EEFSEC: variants seen among roughly 807,000 people sequenced by gnomAD.
EEFSEC encodes eukaryotic elongation factor, selenocysteine-tRNA specific.
In EEFSEC, 43 loss-of-function variants were observed where a neutral mutation model predicts 42.1. The observed-to-expected ratio is 1.02, with a 90% CI of 0.80 to 1.32. EEFSEC has a LOEUF of 1.32. EEFSEC is among the 40% of genes most tolerant of loss of function. The pLI is 0.00. For missense variants in EEFSEC, 745 were observed against 803.6 expected, an observed-to-expected ratio of 0.93 and a Z score of 0.88; for synonymous variants, 354 against 339.1, an observed-to-expected ratio of 1.04 and a Z score of -0.48.
chr3:128,172,156 C>T (rs1202002733), intron 1 of EEFSEC, among the ~76,000 whole-genome samples: 1 of 152,192 alleles, frequency 6.6e-6, no homozygotes, highest in African/African-American at 2.4e-5. Flanking sequence ...GAATTGGGAT[C>T]TCATATCTTT....
chr3:128,172,555 G>T (rs1258243585), intron 1 of EEFSEC, among the ~76,000 whole-genome samples: 1 of 152,140 alleles, frequency 6.6e-6, no homozygotes, highest in Non-Finnish European at 1.5e-5. Flanking sequence ...TGCTTTGACT[G>T]CCCAAAGTGC....
chr3:128,414,087 C>T, the EEFSEC span, among the ~76,000 whole-genome samples: 37 of 152,384 alleles, frequency 2.4e-4, no homozygotes, highest in African/African-American at 7.9e-4. Context: ...TGGTCCTTGA[C>T]GGACAACCCT....
chr3:128,328,964 A>C (rs1444911294), intron 4 of EEFSEC, among the ~76,000 whole-genome samples: 1 of 152,150 alleles, frequency 6.6e-6, no homozygotes, highest in Non-Finnish European at 1.5e-5. Context: ...CCTGTGTCTC[A>C]GGAGGCTCGC....
intron 1 of EEFSEC, among the ~76,000 whole-genome samples, chr3:128,182,014 A>T (rs1054585850): frequency 6.6e-6 from 1 of 152,110 alleles, no homozygotes; most frequent in Non-Finnish European, 1.5e-5. Flanking sequence ...GGGTTTCACC[A>T]TGTTGGCCAG....
intron 2 of EEFSEC, among the ~76,000 whole-genome samples, chr3:128,261,837 C>T (rs1356638058): frequency 6.6e-6 from 1 of 152,202 alleles, no homozygotes; most frequent in African/African-American, 2.4e-5. Context: ...GGGCCAGGAT[C>T]ACTGCTGCCT....
At chr3:128,352,536 C>T (rs533611600) in intron 5 of EEFSEC, among the ~76,000 whole-genome samples, 1 of 152,246 alleles carries the variant, frequency 6.6e-6, no homozygotes, top group Non-Finnish European at 1.5e-5. Context: ...CCCAGCGCAA[C>T]CCTCTGTCTG....
chr3:128,382,319 G>A (rs1304399362), intron 6 of EEFSEC, among the ~76,000 whole-genome samples: 1 of 152,254 alleles, frequency 6.6e-6, no homozygotes, highest in Non-Finnish European at 1.5e-5. Context: ...CAGCAGAGCA[G>A]GGAGCGTGCA....
chr3:128,285,881 C>CTTT (rs1278577482), intron 4 of EEFSEC, among the ~76,000 whole-genome samples: 1 of 152,212 alleles, frequency 6.6e-6, no homozygotes, highest in East Asian at 1.9e-4. Flanking sequence ...AACCATCATT[C>CTTT]TTTAAAACAT....
intron 1 of EEFSEC, among the ~76,000 whole-genome samples, chr3:128,231,480 A>C (rs2065958474): frequency 6.6e-6 from 1 of 152,182 alleles, no homozygotes; most frequent in Non-Finnish European, 1.5e-5. Flanking sequence ...TAGGCACATC[A>C]CATACCTTTC....
chr3:128,185,201 T>C (rs2065452345), intron 1 of EEFSEC, among the ~76,000 whole-genome samples: 1 of 152,310 alleles, frequency 6.6e-6, no homozygotes, highest in Middle Eastern at 3.4e-3. Context: ...TGTTTGATTA[T>C]AGGGAATGGC....
chr3:128,162,078 G>T (rs182892371), intron 1 of EEFSEC, among the ~76,000 whole-genome samples: 7 of 152,196 alleles, frequency 4.6e-5, no homozygotes, highest in Non-Finnish European at 7.3e-5. Flanking sequence ...AATTATGTAT[G>T]TTTGTCCTAA....
chr3:128,352,370 G>A (rs528911746), intron 5 of EEFSEC, among the ~76,000 whole-genome samples: 3 of 152,308 alleles, frequency 2.0e-5, no homozygotes, highest in Admixed American at 6.5e-5. Context: ...AGTAATTTCC[G>A]GAGGTGTAGG....
intron 1 of EEFSEC, among the ~76,000 whole-genome samples, chr3:128,221,473 C>T (rs1180742466): frequency 6.6e-6 from 1 of 152,184 alleles, no homozygotes; most frequent in Non-Finnish European, 1.5e-5. Context: ...GACAGAATTC[C>T]TGAGATTGCA....
downstream of EEFSEC, among the ~76,000 whole-genome samples, chr3:128,412,891 T>G (rs1464281510): frequency 6.6e-6 from 1 of 152,078 alleles, no homozygotes; most frequent in Admixed American, 6.5e-5. Context: ...GGGGGCGCTA[T>G]GAACAATGTG....
chr3:128,425,909 G>A, the EEFSEC span, among the ~76,000 whole-genome samples: 1 of 152,218 alleles, frequency 6.6e-6, no homozygotes, highest in African/African-American at 2.4e-5. Context: ...CAAGATCCGG[G>A]GGAAGGGTTT....
At position 128,259,326 on chromosome 3, in the gene EEFSEC, A is replaced by C. The variant is rs906441984; in HGVS notation, c.525-2802A>C. On this transcript the variant is annotated intron_variant, in intron 2 of 6. Coordinates refer to ENST00000254730, the MANE Select transcript of EEFSEC (RefSeq NM_021937.5). ...TCTCCTGAAAATACATTGGGTATAC[A>C]AACAATTGGAAGTGGTTCAATATTG... Among the ~76,000 whole-genome samples the C allele has an allele frequency of 3.0e-4, 45 of 152,232 alleles. 1 individual carries two copies. Among genetic ancestry groups the C allele is most frequent in the Admixed American group, 2.4e-3 (37 of 15,284 alleles).
intron 4 of EEFSEC, among the ~76,000 whole-genome samples, chr3:128,304,077 GTT>G (rs554576554): frequency 7.2e-6 from 1 of 139,402 alleles, no homozygotes. Flanking sequence ...TTCATAATAG[GTT>G]TTTTTTTTTT....
At chr3:128,231,121 T>C (rs530275719) in intron 1 of EEFSEC, among the ~76,000 whole-genome samples, 1 of 152,208 alleles carries the variant, frequency 6.6e-6, no homozygotes, top group African/African-American at 2.4e-5. Flanking sequence ...TCACTCATTT[T>C]AGTGAGCCCT....
At chr3:128,241,273 C>A (rs775080713) in intron 1 of EEFSEC, among the ~76,000 whole-genome samples, 16 of 129,596 alleles carry the variant, frequency 1.2e-4, no homozygotes, top group Non-Finnish European at 2.0e-4. Flanking sequence ...GTGGTGTAAT[C>A]AGGCCTTGAC....
Sources: gnomAD v4.1 joint callset for allele counts (sites outside exome capture counted in the v4.1 genomes callset) on GRCh38, gnomAD v4.1.1 for gene constraint, MANE v1.5 for transcripts, NCBI Gene and HGNC (gene_info 2026-07-23, HGNC 2026-07-21) for gene names.